NTM: variants seen among roughly 807,000 people sequenced by gnomAD.
NTM encodes IgLON family member 2.
Under a neutral mutation model 42.1 loss-of-function variants are expected in NTM, and 13 were observed. The observed-to-expected ratio is 0.31, with a 90% CI of 0.20 to 0.49. The LOEUF (loss-of-function observed/expected upper bound fraction) is 0.49, where lower values mean the gene tolerates loss of function less well. Ranked by LOEUF, NTM falls within the 20% of genes least tolerant of loss-of-function variation. The pLI, the probability that NTM is intolerant of heterozygous loss-of-function variation, is 0.99. For synonymous variants in NTM, 187 were observed against 179.2 expected (o/e 1.04, Z -0.35); for missense variants, 373 against 452.8 (o/e 0.82, Z 1.60).
chr11:131,396,687 A>G (rs1944596272), intron 1 of NTM, among the ~76,000 whole-genome samples: 1 of 152,092 alleles, frequency 6.6e-6, no homozygotes, highest in Non-Finnish European at 1.5e-5. Context: ...CACAAAAATT[A>G]GTCAGGCACT....
chr11:132,072,457 G>A (rs906811781), intron 2 of NTM, among the ~76,000 whole-genome samples: 2 of 152,160 alleles, frequency 1.3e-5, no homozygotes, highest in African/African-American at 2.4e-5. Flanking sequence ...TTCTGTTGGT[G>A]AGTAATTAAC....
At chr11:131,678,822 A>G (rs538104740) in intron 1 of NTM, among the ~76,000 whole-genome samples, 200 of 152,260 alleles carry the variant, frequency 1.3e-3, no homozygotes, top group Non-Finnish European at 2.6e-3. Flanking sequence ...CATGGCCAGA[A>G]GCGAGGCTAG....
At position 131,466,229 on chromosome 11, in the gene NTM, C is replaced by T. The variant is rs187216473; in HGVS notation, c.82+95341C>T. ...AAAACAGCAAAGAGGAGTGGGAAGA[C>T]GGAGAAGGAGATGTTAACCGAGAGA... is the stretch of plus-strand genomic sequence containing the variant. On this transcript the variant is annotated intron_variant, in intron 1 of 8. Transcript: ENST00000683400. Among the ~76,000 whole-genome samples, 746 of 152,220 alleles carry T rather than the reference C, an allele frequency of 4.9e-3. 6 individuals carry two copies. The highest frequency in any genetic ancestry group is 6.0e-3 in the Non-Finnish European group (409 of 68,012).
At chr11:131,666,232 C>A (rs2069022263) in intron 1 of NTM, among the ~76,000 whole-genome samples, 1 of 152,200 alleles carries the variant, frequency 6.6e-6, no homozygotes, top group Non-Finnish European at 1.5e-5. Flanking sequence ...CACTCCTTTG[C>A]TCTCAGCCTT....
intron 2 of NTM, among the ~76,000 whole-genome samples, chr11:132,054,375 C>T (rs150644627): frequency 0.015 from 2,229 of 152,306 alleles, 25 homozygotes; most frequent in South Asian, 0.03. Flanking sequence ...CTTCTTTAAA[C>T]GAAGCTGTAG....
At chr11:132,221,633 C>T (rs537252864) in intron 4 of NTM, among the ~76,000 whole-genome samples, 11 of 152,150 alleles carry the variant, frequency 7.2e-5, no homozygotes, top group Non-Finnish European at 1.5e-4. Flanking sequence ...GTCCAGCAGC[C>T]TGATTTTGAC....
At chr11:132,059,735 A>T (rs1041474294) in intron 2 of NTM, among the ~76,000 whole-genome samples, 2 of 89,828 alleles carry the variant, frequency 2.2e-5, no homozygotes, top group African/African-American at 8.4e-5. Context: ...GCCCCACACC[A>T]CCCCCCATCA....
At chr11:132,319,100 C>T (rs780265711) in intron 7 of NTM, among the ~76,000 whole-genome samples, 7 of 152,130 alleles carry the variant, frequency 4.6e-5, no homozygotes, top group Non-Finnish European at 7.3e-5. Context: ...TATTCACAGA[C>T]GTAAAATAGA....
intron 1 of NTM, among the ~76,000 whole-genome samples, chr11:131,876,373 T>C (rs545236613): frequency 6.6e-6 from 1 of 152,288 alleles, no homozygotes; most frequent in Non-Finnish European, 1.5e-5. Context: ...TCTCCTCCAC[T>C]CATCTCCCAC....
intron 3 of NTM, among the ~76,000 whole-genome samples, chr11:132,207,290 G>C (rs1484869464): frequency 6.6e-6 from 1 of 152,044 alleles, no homozygotes; most frequent in South Asian, 2.1e-4. Context: ...GGCAGCATTA[G>C]GTAGGAGCAC....
chr11:131,488,541 C>G (rs1337312188), intron 1 of NTM, among the ~76,000 whole-genome samples: 2 of 152,166 alleles, frequency 1.3e-5, no homozygotes, highest in African/African-American at 4.8e-5. Flanking sequence ...AAACTTGCAG[C>G]CCAGCCCAGA....
chr11:131,766,096 T>C (rs2085054222), intron 1 of NTM, among the ~76,000 whole-genome samples: 1 of 152,182 alleles, frequency 6.6e-6, no homozygotes, highest in Non-Finnish European at 1.5e-5. Flanking sequence ...TGAGGTCCCA[T>C]ACTCTTGTCT....
intron 1 of NTM, among the ~76,000 whole-genome samples, chr11:131,418,300 T>C (rs979779320): frequency 6.6e-6 from 1 of 152,196 alleles, no homozygotes; most frequent in African/African-American, 2.4e-5. Context: ...CCTTGCTGCA[T>C]CCCAAAGGCA....
intron 2 of NTM, among the ~76,000 whole-genome samples, chr11:132,111,964 A>G (rs1410507053): frequency 1.3e-5 from 2 of 152,238 alleles, no homozygotes; most frequent in African/African-American, 4.8e-5. Flanking sequence ...GGAAGAGAGA[A>G]ACTTTGCTTT....
intron 7 of NTM, chr11:132,317,770 G>GAAGCACTTGTCTGT: frequency 1.2e-6 from 1 of 804,124 alleles, no homozygotes; most frequent in South Asian, 1.4e-5. Context: ...TGCATTACCC[G>GAAGCACTTGTCTGT]AAGCACTTGT....
At chr11:131,561,130 T>C (rs904967593) in intron 1 of NTM, among the ~76,000 whole-genome samples, 1 of 152,096 alleles carries the variant, frequency 6.6e-6, no homozygotes, top group Non-Finnish European at 1.5e-5. Context: ...CGAGGAGAAA[T>C]GGGTTATTTC....
At chr11:131,684,483 A>C (rs888767925) in intron 1 of NTM, among the ~76,000 whole-genome samples, 1 of 152,192 alleles carries the variant, frequency 6.6e-6, no homozygotes, top group African/African-American at 2.4e-5. Context: ...TGCCCTCCCC[A>C]GCCTGCAGCT....
chr11:131,598,854 TTCCTTCCTTCCTTCCTTC>T (rs2060173564), intron 1 of NTM, among the ~76,000 whole-genome samples: 1 of 54,120 alleles, frequency 1.8e-5, no homozygotes, highest in African/African-American at 4.6e-5. Flanking sequence ...TCTTTCTTCC[TTCCTTCCTTCCTTCCTTC>T]CTTCTTCCTT....
intron 1 of NTM, among the ~76,000 whole-genome samples, chr11:131,399,524 G>A (rs1944898183): frequency 6.6e-6 from 1 of 152,150 alleles, no homozygotes; most frequent in African/African-American, 2.4e-5. Flanking sequence ...CACAGATGAG[G>A]AGACTGAAGA....
Sources: gnomAD v4.1 joint callset for allele counts (sites outside exome capture counted in the v4.1 genomes callset) on GRCh38, gnomAD v4.1.1 for gene constraint, MANE v1.5 for transcripts, NCBI Gene and HGNC (gene_info 2026-07-23, HGNC 2026-07-21) for gene names.